The following FABP1 variants were observed in gnomAD, a reference collection of about 807,000 sequenced individuals.
FABP1 encodes fatty acid-binding protein, liver.
A neutral mutation model predicts 13.7 loss-of-function variants in FABP1; 13 were observed. The observed-to-expected ratio is 0.95, with a 90% CI of 0.62 to 1.51. The LOEUF (loss-of-function observed/expected upper bound fraction) is 1.51. Among genes scored for constraint, FABP1 ranks in the 40% most tolerant of loss-of-function variants. The pLI is 0.00. For synonymous variants in FABP1, 48 were observed against 59.8 expected (o/e 0.80, Z 0.91); for missense variants, 140 against 155.7 (o/e 0.90, Z 0.54).
chr2:88,126,521 A>C (rs888871306), intron 1 of FABP1, 173 bp from the exon 2 acceptor site: 1 of 638,050 alleles, frequency 1.6e-6, no homozygotes, highest in African/African-American at 1.8e-5. Flanking sequence ...TGGCCTCAGA[A>C]AGGAAGGGAC....
At chr2:88,125,986 G>A in intron 2 of FABP1, 190 bp downstream of exon 2, 1 of 556,014 alleles carries the variant, frequency 1.8e-6, no homozygotes, top group Admixed American at 2.9e-5. Flanking sequence ...ACAGTCCCTG[G>A]GAAGAGGAGA....
intron 1 of FABP1, 97 bp downstream of exon 1, chr2:88,127,852 TCC>T: frequency 1.7e-6 from 2 of 1,197,462 alleles, no homozygotes; most frequent in Non-Finnish European, 2.5e-6. Flanking sequence ...CCTGAATCTC[TCC>T]CCCCATCTCA....
At chr2:88,127,155 G>A (rs1675313278) in intron 1 of FABP1, among the ~76,000 whole-genome samples, 1 of 152,008 alleles carries the variant, frequency 6.6e-6, no homozygotes, top group Non-Finnish European at 1.5e-5. Context: ...TCTGCCTGGA[G>A]CATGCTCCCT....
At chr2:88,126,415 T>A in intron 1 of FABP1, 67 bp from the exon 2 acceptor site, 1 of 1,520,722 alleles carries the variant, frequency 6.6e-7, no homozygotes, top group Non-Finnish European at 9.1e-7. Flanking sequence ...GGTAGGTAGG[T>A]GAGAGAAACG....
At chr2:88,125,257 T>C (rs1345805596) in intron 2 of FABP1, among the ~76,000 whole-genome samples, 1 of 152,148 alleles carries the variant, frequency 6.6e-6, no homozygotes, top group Non-Finnish European at 1.5e-5. Context: ...AAAGAAAATT[T>C]GGAAAAGGCC....
intron 1 of FABP1, 53 bp from the exon 2 acceptor site, chr2:88,126,401 C>A (rs1675298628): frequency 6.4e-7 from 1 of 1,571,362 alleles, no homozygotes; most frequent in Non-Finnish European, 8.7e-7. Context: ...AGTTTCATGA[C>A]CGTGGTAGGT....
At chr2:88,123,198 C>T in intron 3 of FABP1, 94 bp from the exon 4 acceptor site, 1 of 1,007,906 alleles carries the variant, frequency 9.9e-7, no homozygotes, top group Admixed American at 2.3e-5. Flanking sequence ...GCTTAAAAAA[C>T]AGCACCAAAT....
At position 88,123,103 on chromosome 2, in the gene FABP1, G is replaced by T. The variant is rs754741484; in HGVS notation, c.335C>A (p.Thr112Asn). The change falls in exon 4 of 4, where the codon ACC becomes AAC. Residue 112 changes from threonine to asparagine, a missense_variant and splice_region_variant. Physicochemically the swap from Thr to Asn is moderately conservative, Grantham distance 65 (BLOSUM62 0). Coordinates refer to ENST00000295834, the MANE Select transcript of FABP1 (RefSeq NM_001443.3). ...TELNGDIITN[T>N]MTLGDIVFKR... ...GAAGACAATGTCACCCAATGTCATG[G>T]TCTGAAAGCCAGAAAAGAAATTATG... 6.2e-7 allele frequency: 1 copy of T among 1,609,506 alleles called. No individual in the cohort carries two copies. Among genetic ancestry groups the T allele is most frequent in the Non-Finnish European group, 8.5e-7 (1 of 1,178,462 alleles).
At chr2:88,126,499 C>A in intron 1 of FABP1, 151 bp from the exon 2 acceptor site, 1 of 739,954 alleles carries the variant, frequency 1.4e-6, no homozygotes, top group Non-Finnish European at 2.3e-6. Context: ...GGCTTGTCAG[C>A]AGCATCGGCT....
At chr2:88,126,546 G>A in intron 1 of FABP1, 198 bp from the exon 2 acceptor site, 2 of 533,934 alleles carry the variant, frequency 3.7e-6, no homozygotes, top group Admixed American at 5.7e-5. Context: ...ACCTGGCCTG[G>A]CCTGCTGCTA....
chr2:88,126,004 C>A, intron 2 of FABP1, 172 bp downstream of exon 2: 1 of 635,574 alleles, frequency 1.6e-6, no homozygotes. Context: ...AGAGCAGCTT[C>A]TCTATAAGAT....
chr2:88,125,977 C>T (rs890986472), intron 2 of FABP1, 199 bp downstream of exon 2: 1 of 515,332 alleles, frequency 1.9e-6, no homozygotes, highest in African/African-American at 1.9e-5. Context: ...ACCCCCCAGA[C>T]AGTCCCTGGG....
In FABP1 at chr2:88,124,506, G is replaced by A; in HGVS notation, c.321C>T (p.Asp107=). 1 of 1,606,954 alleles carries A rather than the reference G, an allele frequency of 6.2e-7. No individual in the cohort carries two copies. The highest frequency in any genetic ancestry group is 8.5e-7 in the Non-Finnish European group (1 of 1,176,878). Residue 107 remains aspartate, a synonymous_variant, in exon 3 of 4, where the codon GAC becomes GAT. Coordinates refer to ENST00000295834, the MANE Select transcript of FABP1 (RefSeq NM_001443.3). ...NIKSVTELNG[D]IITNTMTLGD... ...ACCACCAACTTACATTGGTGATTAT[G>A]TCGCCGTTGAGTTCGGTCACAGACT...
intron 2 of FABP1, 115 bp from the exon 3 acceptor site, chr2:88,124,701 T>C (rs771412233): frequency 1.3e-5 from 9 of 683,650 alleles, no homozygotes; most frequent in Non-Finnish European, 2.3e-5. Flanking sequence ...AATGCTCTGG[T>C]TCCTATGATC....
Position 88,126,262 on chromosome 2 carries a change from T to C in FABP1, c.154A>G (p.Ile52Val). The C allele has an allele frequency of 6.2e-7, 1 of 1,614,048 alleles. No individual in the cohort carries two copies. Among genetic ancestry groups the C allele is most frequent in the Non-Finnish European group, 8.5e-7 (1 of 1,179,926 alleles). ...TGGATCACTTTGGACCCAGCGGTGA[T>C]GGTGAACTTGAAGTGCTTCCCATTC... Reference protein sequence around the residue: ...VQNGKHFKFTITAGSKVIQNE... With the variant: ...VQNGKHFKFTVTAGSKVIQNE... Residue 52 changes from isoleucine (I) to valine (V), a missense_variant, in exon 2 of 4, where the codon ATC (isoleucine) becomes GTC (valine). By Grantham distance (29) the Ile-to-Val change is conservative. Transcript: ENST00000295834.
At chr2:88,124,633 C>T (rs776041190) in intron 2 of FABP1, 47 bp from the exon 3 acceptor site, 1 of 1,415,620 alleles carries the variant, frequency 7.1e-7, no homozygotes, top group East Asian at 2.3e-5. Flanking sequence ...TGGTGGGGGG[C>T]AAGAGCCTTG....
At chr2:88,124,616 G>A (rs760827096) in intron 2 of FABP1, 30 bp from the exon 3 acceptor site, 2 of 1,552,530 alleles carry the variant, frequency 1.3e-6, no homozygotes, top group Non-Finnish European at 1.8e-6. Context: ...GACCTGTGAG[G>A]AAGGGGTGGT....
chr2:88,124,491 T>A lies in FABP1; in HGVS notation c.333+3A>T, dbSNP rs1459749394. ...CCACACGCTCAGAGCACCACCAACT[T>A]ACATTGGTGATTATGTCGCCGTTGA... On this transcript the variant is annotated splice_donor_region_variant and intron_variant, in intron 3 of 3. Transcript: ENST00000295834. The A allele has an allele frequency of 6.2e-7, 1 of 1,606,208 alleles. No individual in the cohort carries two copies. Among genetic ancestry groups the A allele is most frequent in the Non-Finnish European group, 8.5e-7 (1 of 1,176,364 alleles).
intron 1 of FABP1, among the ~76,000 whole-genome samples, chr2:88,127,511 T>C (rs564868128): frequency 6.6e-6 from 1 of 152,340 alleles, no homozygotes; most frequent in Admixed American, 6.5e-5. Flanking sequence ...CAGTCAGCGC[T>C]CCATACACCT....
Sources: allele counts gnomAD v4.1 joint callset (sites outside exome capture counted in the v4.1 genomes callset), GRCh38; gene constraint gnomAD v4.1.1; transcripts MANE v1.5; gene names NCBI Gene and HGNC (gene_info 2026-07-23, HGNC 2026-07-21).